USH2A: variants seen among roughly 807,000 people sequenced by gnomAD.
USH2A encodes the protein usherin.
In USH2A, 443 loss-of-function variants were observed where a neutral mutation model predicts 538.9. The ratio of observed to expected loss-of-function variants is 0.82; its 90% CI spans 0.76 to 0.89. The LOEUF is 0.89. Ranked by LOEUF, USH2A falls within the 40% of genes least tolerant of loss-of-function variation. The pLI, the probability that USH2A is intolerant of heterozygous loss-of-function variation, is 0.00. For missense variants in USH2A, 6,633 were observed against 6,324.8 expected, an observed-to-expected ratio of 1.05 and a Z score of -1.65; for synonymous variants, 2,413 against 2,273.5, an observed-to-expected ratio of 1.06 and a Z score of -1.75.
chr1:216,151,872 T>A (rs1240696778), intron 21 of USH2A, among the ~76,000 whole-genome samples: 8 of 152,312 alleles, frequency 5.3e-5, no homozygotes, highest in African/African-American at 1.9e-4. Flanking sequence ...TCCTCCCAAT[T>A]CTTAGTCCTT....
chr1:216,047,264 G>T (rs75055587), intron 31 of USH2A, among the ~76,000 whole-genome samples: 1 of 152,080 alleles, frequency 6.6e-6, no homozygotes, highest in African/African-American at 2.4e-5. Context: ...TCTCTCTGGG[G>T]CTTAGCTTGA....
intron 38 of USH2A, among the ~76,000 whole-genome samples, chr1:215,912,501 A>ATATATG (rs1553275512): frequency 0.018 from 500 of 27,346 alleles, 8 homozygotes; most frequent in African/African-American, 0.041. Context: ...GTGTATATAT[A>ATATATG]TATATATATA....
chr1:216,150,780 T>C (rs1020126479), intron 21 of USH2A, among the ~76,000 whole-genome samples: 7 of 152,170 alleles, frequency 4.6e-5, no homozygotes, highest in African/African-American at 1.4e-4. Context: ...TTCCTGTGGC[T>C]GCTCCTTTAT....
chr1:216,358,992 C>T (rs980865607), intron 4 of USH2A, among the ~76,000 whole-genome samples: 3 of 152,136 alleles, frequency 2.0e-5, no homozygotes, highest in Non-Finnish European at 4.4e-5. Context: ...TGCAATAAAA[C>T]ACTTTTAGAA....
At chr1:215,712,216 A>T (rs1659356197) in intron 61 of USH2A, among the ~76,000 whole-genome samples, 1 of 152,216 alleles carries the variant, frequency 6.6e-6, no homozygotes, top group African/African-American at 2.4e-5. Flanking sequence ...TAATATTTAG[A>T]AAGCTACTTT....
chr1:216,118,024 AC>A (rs1225599342), intron 21 of USH2A, among the ~76,000 whole-genome samples: 2 of 152,110 alleles, frequency 1.3e-5, no homozygotes, highest in African/African-American at 4.8e-5. Context: ...TGATTAAAAA[AC>A]AAATGCTAGA....
At chr1:215,985,230 A>G (rs1265484020) in intron 35 of USH2A, among the ~76,000 whole-genome samples, 1 of 152,254 alleles carries the variant, frequency 6.6e-6, no homozygotes, top group Non-Finnish European at 1.5e-5. Flanking sequence ...ATGAAATATC[A>G]AACAGTTATC....
At chr1:216,220,185 G>T (rs985897673) in intron 14 of USH2A, among the ~76,000 whole-genome samples, 16 of 151,870 alleles carry the variant, frequency 1.1e-4, no homozygotes, top group Non-Finnish European at 1.5e-5. Context: ...TATATCCCAA[G>T]ATATATAGGT....
At chr1:216,274,230 CCTTT>C (rs2036627314) in intron 11 of USH2A, among the ~76,000 whole-genome samples, 1 of 152,020 alleles carries the variant, frequency 6.6e-6, no homozygotes, top group South Asian at 2.1e-4. Context: ...AGAAACATAG[CCTTT>C]CTAAGCTTAG....
chr1:215,706,419 A>G (rs1452525761), intron 61 of USH2A, among the ~76,000 whole-genome samples: 3 of 152,210 alleles, frequency 2.0e-5, no homozygotes, highest in Non-Finnish European at 2.9e-5. Context: ...TTGCTTTTCA[A>G]ATAAAAACAA....
intron 3 of USH2A, among the ~76,000 whole-genome samples, chr1:216,395,821 G>A (rs1404266076): frequency 6.6e-6 from 1 of 152,162 alleles, no homozygotes; most frequent in Admixed American, 6.5e-5. Context: ...AGGAAAGCCA[G>A]GCACAACCAA....
rs148135241 is a variant in USH2A at position 216,200,074 on chromosome 1, A to C, written c.3364T>G (p.Ser1122Ala). 1.4e-3 allele frequency: 2,299 copies of C among 1,613,840 alleles called. 47 individuals carry two copies. The East Asian group carries it at 0.041, about 29-fold the overall frequency. The change falls in exon 17 of 72, where the codon TCC (serine) becomes GCC (alanine). Residue 1122 changes from serine to alanine, a missense_variant. Ser to Ala is a moderately conservative substitution (Grantham distance 99). Coordinates refer to ENST00000307340, the MANE Select transcript of USH2A (RefSeq NM_206933.4). ...ACATTGGTGGTCTCAATGTAATAGG[A>C]ATATTTGGTATATGGTAACAGGTCT... ...DTDLLPYTKY[S>A]YYIETTNVHG...
At chr1:216,151,397 T>C (rs1027421006) in intron 21 of USH2A, among the ~76,000 whole-genome samples, 3 of 152,100 alleles carry the variant, frequency 2.0e-5, no homozygotes, top group African/African-American at 7.2e-5. Flanking sequence ...AAAATTCAAT[T>C]TGCAAATGGG....
At chr1:216,192,069 T>G (rs2034727626) in intron 19 of USH2A, among the ~76,000 whole-genome samples, 1 of 152,078 alleles carries the variant, frequency 6.6e-6, no homozygotes, top group Admixed American at 6.6e-5. Flanking sequence ...AAAATCTATC[T>G]AATTGAAAGT....
intron 47 of USH2A, among the ~76,000 whole-genome samples, chr1:215,824,814 A>G (rs1020284386): frequency 2.0e-5 from 3 of 152,284 alleles, no homozygotes; most frequent in Non-Finnish European, 4.4e-5. Flanking sequence ...ATCAAGGGTC[A>G]GGAAAATATT....
rs748936481 is a variant in USH2A, at chr1:215,625,748, A to C, written c.*33T>G. On this transcript the variant is annotated 3_prime_UTR_variant, in exon 72 of 72. Coordinates refer to ENST00000307340, the MANE Select transcript of USH2A (RefSeq NM_206933.4). ...AGGAGGAAATGGGTGCAGACCTTGC[A>C]TTCCAGGGTTACGTCTTCTGGGTTT... 9.3e-6 allele frequency: 15 copies of C among 1,604,918 alleles called. No homozygotes were observed. In the South Asian group the frequency reaches 1.7e-4, roughly 18 times the overall value.
At chr1:215,789,405 C>T (rs907470933) in intron 51 of USH2A, among the ~76,000 whole-genome samples, 2 of 152,126 alleles carry the variant, frequency 1.3e-5, no homozygotes, top group African/African-American at 2.4e-5. Flanking sequence ...TACTACAGAA[C>T]ACGGTAGCAT....
Position 215,753,119 on chromosome 1 carries a change from T to A in USH2A, c.11389+5476A>T, listed in dbSNP as rs530171477. 4.4e-3 allele frequency among the ~76,000 whole-genome samples: 676 copies of A among 152,210 alleles called. 13 individuals are homozygous for A. Among genetic ancestry groups the A allele is most frequent in the African/African-American group, 0.016 (645 of 41,508 alleles). Reference sequence around the variant, plus strand: ...GTCAAAACCACAATGAGATACCATCTCACACCAGTTAGAATGGCAATCATT... The same window carrying A: ...GTCAAAACCACAATGAGATACCATCACACACCAGTTAGAATGGCAATCATT... On this transcript the variant is annotated intron_variant, in intron 58 of 71. Coordinates refer to ENST00000307340, the MANE Select transcript of USH2A (RefSeq NM_206933.4).
chr1:216,209,239 A>C (rs184314740), intron 15 of USH2A, among the ~76,000 whole-genome samples: 3 of 152,296 alleles, frequency 2.0e-5, no homozygotes, highest in East Asian at 3.9e-4. Context: ...ATGACCACTC[A>C]TGGAGGGATG....
Sources: gnomAD v4.1 joint callset for allele counts (sites outside exome capture counted in the v4.1 genomes callset) on GRCh38, gnomAD v4.1.1 for gene constraint, MANE v1.5 for transcripts, NCBI Gene and HGNC (gene_info 2026-07-23, HGNC 2026-07-21) for gene names.